COG5: variants seen among roughly 807,000 people sequenced by gnomAD.
The protein encoded by COG5 is conserved oligomeric Golgi complex subunit 5.
A neutral mutation model predicts 110.4 loss-of-function variants in COG5; 86 were observed. That is an observed-to-expected ratio of 0.78 (90% CI 0.65 to 0.93). The LOEUF (loss-of-function observed/expected upper bound fraction) is 0.93. Ranked by LOEUF, COG5 falls within the 40% of genes least tolerant of loss-of-function variation. COG5 has a pLI of 0.00. For synonymous variants in COG5, 360 were observed against 334.6 expected (o/e 1.08, Z -0.83); for missense variants, 1,077 against 987.0 (o/e 1.09, Z -1.22).
intron 6 of COG5, chr7:107,475,426 G>T: frequency 2.7e-6 from 2 of 730,464 alleles, no homozygotes; most frequent in Admixed American, 3.1e-5. Flanking sequence ...TGTAAAAACT[G>T]ATATTACTGC....
intron 7 of COG5, among the ~76,000 whole-genome samples, chr7:107,387,765 C>T (rs1263036773): frequency 1.3e-5 from 2 of 152,196 alleles, no homozygotes; most frequent in Non-Finnish European, 2.9e-5. Context: ...GAGCTGAGAT[C>T]GGGGCTCTGA....
intron 11 of COG5, 83 bp downstream of exon 11, chr7:107,324,357 C>G: frequency 1.1e-6 from 1 of 876,152 alleles, no homozygotes; most frequent in East Asian, 2.5e-5. Flanking sequence ...TTTTGTAAAC[C>G]AATACAGCAA....
At chr7:107,367,671 G>A (rs892387096) in intron 8 of COG5, among the ~76,000 whole-genome samples, 2 of 152,182 alleles carry the variant, frequency 1.3e-5, no homozygotes, top group Admixed American at 1.3e-4. Flanking sequence ...TATTCTAAGT[G>A]AAGTAACTGA....
intron 6 of COG5, chr7:107,481,038 C>A (rs1484976829): frequency 1.3e-5 from 2 of 152,148 alleles, no homozygotes; most frequent in South Asian, 2.1e-4. Flanking sequence ...TGTACTTGCA[C>A]CAGCAAGTGG....
chr7:107,557,074 G>A (rs1008020781), intron 2 of COG5, among the ~76,000 whole-genome samples: 2 of 151,908 alleles, frequency 1.3e-5, no homozygotes, highest in Admixed American at 6.6e-5. Flanking sequence ...CGGCCTAAAC[G>A]TGTTTTCTAA....
intron 5 of COG5, among the ~76,000 whole-genome samples, chr7:107,546,435 G>GCTTTTTTTT (rs1802454141): frequency 8.4e-6 from 1 of 119,484 alleles, no homozygotes; most frequent in Non-Finnish European, 1.7e-5. Flanking sequence ...TTGGTTTTTT[G>GCTTTTTTTT]TTTTTTTTTT....
At chr7:107,209,520 T>C (rs1799011503) in intron 21 of COG5, 1 of 155,954 alleles carries the variant, frequency 6.4e-6, no homozygotes, top group African/African-American at 2.4e-5. Context: ...ACTAGAGGCA[T>C]GGGTCTGGAC....
At chr7:107,261,851 T>G (rs1803381345) in intron 14 of COG5, among the ~76,000 whole-genome samples, 1 of 152,134 alleles carries the variant, frequency 6.6e-6, no homozygotes, top group Admixed American at 6.6e-5. Context: ...TAATTTTAAT[T>G]TCTGTAAGTA....
At chr7:107,204,627 T>C (rs1017313403) in intron 21 of COG5, among the ~76,000 whole-genome samples, 4 of 152,218 alleles carry the variant, frequency 2.6e-5, no homozygotes, top group Non-Finnish European at 4.4e-5. Context: ...TGCTCTCAAA[T>C]ACTGAAAATA....
At chr7:107,276,839 T>C (rs1044681497) in intron 14 of COG5, among the ~76,000 whole-genome samples, 2 of 152,212 alleles carry the variant, frequency 1.3e-5, no homozygotes, top group Non-Finnish European at 2.9e-5. Context: ...AAATTCTTAG[T>C]AAATTAATTA....
chr7:107,466,639 A>T (rs369333744), intron 6 of COG5, among the ~76,000 whole-genome samples: 16 of 152,214 alleles, frequency 1.1e-4, no homozygotes, highest in East Asian at 5.8e-4. Flanking sequence ...CAGATGGTCC[A>T]TTTCTATTTT....
chr7:107,225,406 T>A lies in COG5; in HGVS notation c.2168+5209A>T, dbSNP rs114207822. Reference sequence around the variant, plus strand: ...TAAAAATAAAATAAGGCAGAAAATTTAAAAAAAATAAAAACCCTAAAAAAA... The same window carrying A: ...TAAAAATAAAATAAGGCAGAAAATTAAAAAAAAATAAAAACCCTAAAAAAA... On this transcript the variant is annotated intron_variant, in intron 19 of 21. Coordinates refer to ENST00000297135, the MANE Select transcript of COG5 (RefSeq NM_006348.5). Among the ~76,000 whole-genome samples, 1,459 of 152,150 alleles carry A rather than the reference T, an allele frequency of 9.6e-3. 23 individuals carry two copies. The highest frequency in any genetic ancestry group is 0.033 in the African/African-American group (1,350 of 41,512).
chr7:107,341,097 T>C (rs1208926558), intron 10 of COG5, among the ~76,000 whole-genome samples: 1 of 152,152 alleles, frequency 6.6e-6, no homozygotes, highest in Non-Finnish European at 1.5e-5. Flanking sequence ...TTATGCCTTC[T>C]CTGACAATAT....
chr7:107,344,069 G>T (rs149904110), intron 10 of COG5, among the ~76,000 whole-genome samples: 2 of 152,194 alleles, frequency 1.3e-5, no homozygotes, highest in Non-Finnish European at 2.9e-5. Flanking sequence ...GTTACCAGGG[G>T]CATTAGACCT....
At chr7:107,407,376 CCAT>C (rs1374551770) in intron 7 of COG5, among the ~76,000 whole-genome samples, 1 of 151,972 alleles carries the variant, frequency 6.6e-6, no homozygotes, top group African/African-American at 2.4e-5. Context: ...GCGCAAAACT[CCAT>C]CTCAAAAAAG....
At chr7:107,469,977 T>C (rs1413214231) in intron 6 of COG5, 1 of 152,172 alleles carries the variant, frequency 6.6e-6, no homozygotes, top group Non-Finnish European at 1.5e-5. Context: ...AAGCACAGTT[T>C]AAGCCCAATA....
intron 13 of COG5, among the ~76,000 whole-genome samples, chr7:107,282,215 C>T (rs932520253): frequency 6.6e-6 from 1 of 152,126 alleles, no homozygotes; most frequent in African/African-American, 2.4e-5. Context: ...CACTTTCATA[C>T]AGTATTGAGA....
At chr7:107,309,448 A>C (rs1387862430) in intron 11 of COG5, among the ~76,000 whole-genome samples, 2 of 152,134 alleles carry the variant, frequency 1.3e-5, no homozygotes, top group African/African-American at 2.4e-5. Flanking sequence ...GTGTTCTCTG[A>C]TAGGACTATA....
chr7:107,446,433 C>A (rs1795009770), intron 6 of COG5, among the ~76,000 whole-genome samples: 1 of 152,122 alleles, frequency 6.6e-6, no homozygotes, highest in Admixed American at 6.5e-5. Flanking sequence ...CTTACGGTAA[C>A]CAGCCTTCAA....
Sources: gnomAD v4.1 joint callset for allele counts (sites outside exome capture counted in the v4.1 genomes callset) on GRCh38, gnomAD v4.1.1 for gene constraint, MANE v1.5 for transcripts, NCBI Gene and HGNC (gene_info 2026-07-23, HGNC 2026-07-21) for gene names.